Variants in SLC25A14 observed in about 807,000 individuals in gnomAD.
The protein encoded by SLC25A14 is brain mitochondrial carrier protein 1.
In SLC25A14, 8 loss-of-function variants were observed where a neutral mutation model predicts 28.1. That is an observed-to-expected ratio of 0.28 (90% CI 0.17 to 0.51). The LOEUF is 0.51. SLC25A14 is among the 20% of genes least tolerant of loss of function. The probability of loss-of-function intolerance (pLI) is 0.97; values close to 1 mark genes in which losing one functional copy is unlikely to be tolerated. For missense variants in SLC25A14, 135 were observed against 263.8 expected, an observed-to-expected ratio of 0.51 and a Z score of 3.38; for synonymous variants, 74 against 90.6, an observed-to-expected ratio of 0.82 and a Z score of 1.04.
chrX:130,350,533 A>C, intron 5 of SLC25A14, 113 bp from the exon 6 acceptor site: 1 of 335,088 alleles, frequency 3.0e-6, no homozygotes, highest in Non-Finnish European at 5.2e-6. Flanking sequence ...TTTTTGGTTC[A>C]TTTCTAAAGT....
Position 130,348,790 on chromosome X carries a change from CCCCT to C in SLC25A14, c.318-460_318-457del, listed in dbSNP as rs766319587. Among the ~76,000 whole-genome samples the C allele has an allele frequency of 3.1e-3, 202 of 66,022 alleles. 2 individuals are homozygous for C. The highest frequency in any genetic ancestry group is 8.2e-3 in the Admixed American group (47 of 5,766). 57.3% of individuals were successfully genotyped at this position (66,022 alleles called of 115,157 possible). ...TTGATTTGAGACTCTACCCCCCCCC[CCCCT>C]TTTTTTTTTTTAAAATGCAAGCATT... On this transcript the variant is annotated intron_variant, in intron 4 of 10. Coordinates refer to ENST00000545805, the MANE Select transcript of SLC25A14 (RefSeq NM_001282195.2).
At chrX:130,356,981 A>G (rs913098530) in intron 6 of SLC25A14, among the ~76,000 whole-genome samples, 43 of 111,571 alleles carry the variant, frequency 3.9e-4, no homozygotes, top group Admixed American at 9.5e-5. Context: ...ATCGAAATCC[A>G]TATCTGATCT....
At chrX:130,356,217 CTTTTTTTTTTTT>C (rs145822008) in intron 6 of SLC25A14, among the ~76,000 whole-genome samples, 4 of 52,055 alleles carry the variant, frequency 7.7e-5, no homozygotes, top group African/African-American at 2.5e-4. Flanking sequence ...CAAGGGCAAT[CTTTTTTTTTTTT>C]TTTTTTTTTT....
chrX:130,362,751 C>G (rs903796850), intron 7 of SLC25A14, among the ~76,000 whole-genome samples: 2 of 112,213 alleles, frequency 1.8e-5, no homozygotes, highest in South Asian at 3.7e-4. Flanking sequence ...TTTTAATGCT[C>G]TAGCAACCCT....
intron 6 of SLC25A14, among the ~76,000 whole-genome samples, chrX:130,355,885 C>CT (rs950352084): frequency 8.9e-6 from 1 of 111,779 alleles, no homozygotes; most frequent in Non-Finnish European, 1.9e-5. Flanking sequence ...TTGGATTTGT[C>CT]TTTTTGCTTC....
At chrX:130,352,592 C>CT (rs2033651072) in intron 6 of SLC25A14, among the ~76,000 whole-genome samples, 1 of 111,974 alleles carries the variant, frequency 8.9e-6, no homozygotes, top group Middle Eastern at 4.6e-3. Context: ...GTTGTTTTTA[C>CT]TTTTTAATAA....
chrX:130,363,484 C>A (rs2034031315), intron 7 of SLC25A14, among the ~76,000 whole-genome samples: 1 of 112,195 alleles, frequency 8.9e-6, no homozygotes, highest in African/African-American at 3.2e-5. Flanking sequence ...CACATTTTGG[C>A]TATTATGAAT....
intron 10 of SLC25A14, among the ~76,000 whole-genome samples, chrX:130,372,273 C>T (rs924074559): frequency 9.0e-6 from 1 of 110,576 alleles, no homozygotes; most frequent in East Asian, 2.8e-4. Flanking sequence ...AATTATATGT[C>T]GTCACTGATG....
intron 4 of SLC25A14, among the ~76,000 whole-genome samples, 156 bp from the exon 5 acceptor site, chrX:130,349,095 T>C (rs1042255818): frequency 1.2e-4 from 13 of 110,727 alleles, no homozygotes; most frequent in Non-Finnish European, 1.1e-4. Flanking sequence ...TGACCCAGAA[T>C]GTTCAGTTTC....
chrX:130,347,940 G>T (rs970767853), intron 4 of SLC25A14, among the ~76,000 whole-genome samples: 15 of 101,956 alleles, frequency 1.5e-4, no homozygotes, highest in Non-Finnish European at 2.6e-4. Context: ...AAAATGTTTT[G>T]TAGAATTCCC....
At chrX:130,371,294 C>T (rs1177555909) in intron 9 of SLC25A14, among the ~76,000 whole-genome samples, 2 of 111,253 alleles carry the variant, frequency 1.8e-5, no homozygotes, top group Non-Finnish European at 3.8e-5. Context: ...CATTGGGGGC[C>T]ATCTTGGAGG....
rs1023694836 is a variant in SLC25A14, at chrX:130,372,818, C to T, written c.937-91C>T. ...CAGATGCAGCTTGGAATAGCATAGA[C>T]TACCTTAATTTAAGAGAATGCGATG... On this transcript the variant is annotated intron_variant, in intron 10 of 10. Transcript: ENST00000545805. The T allele has an allele frequency of 1.2e-5, 8 of 640,551 alleles. No homozygotes were observed. The Admixed American group carries it at 1.7e-4, about 14-fold the overall frequency. 52.8% of individuals were successfully genotyped at this position (640,551 alleles called of 1,213,427 possible).
intron 2 of SLC25A14, among the ~76,000 whole-genome samples, chrX:130,340,842 A>AAC (rs1013273207): frequency 9.0e-6 from 1 of 110,877 alleles, no homozygotes; most frequent in East Asian, 2.8e-4. Flanking sequence ...TTCGTTGTTA[A>AAC]ACACACACAC....
At chrX:130,367,225 G>C (rs139408296) in intron 9 of SLC25A14, among the ~76,000 whole-genome samples, 1 of 112,261 alleles carries the variant, frequency 8.9e-6, no homozygotes, top group East Asian at 2.8e-4. Flanking sequence ...GCCTGAACTT[G>C]AGCATGATAA....
intron 6 of SLC25A14, among the ~76,000 whole-genome samples, chrX:130,351,978 A>G (rs1311509430): frequency 9.0e-6 from 1 of 111,235 alleles, no homozygotes; most frequent in Admixed American, 9.6e-5. Flanking sequence ...ACATGGGTAT[A>G]TTGTATGATG....
chrX:130,342,695 T>C (rs970565016), intron 2 of SLC25A14, among the ~76,000 whole-genome samples: 3 of 110,356 alleles, frequency 2.7e-5, no homozygotes, highest in Admixed American at 1.9e-4. Flanking sequence ...GAAGTCGTGA[T>C]TGTGGCAATG....
At chrX:130,354,894 G>A (rs1237845108) in intron 6 of SLC25A14, among the ~76,000 whole-genome samples, 2 of 111,878 alleles carry the variant, frequency 1.8e-5, no homozygotes, top group East Asian at 5.6e-4. Context: ...AGTTGAAGTT[G>A]GACCACTATC....
At chrX:130,359,352 C>CAAAAAAAAAAAAAAA (rs55826694) in intron 7 of SLC25A14, among the ~76,000 whole-genome samples, 48 of 25,843 alleles carry the variant, frequency 1.9e-3, no homozygotes, top group East Asian at 2.5e-3. Context: ...GACTCTGTCT[C>CAAAAAAAAAAAAAAA]AAAAAAAAAA....
At chrX:130,350,559 G>C (rs2033593756) in intron 5 of SLC25A14, 87 bp from the exon 6 acceptor site, 1 of 421,366 alleles carries the variant, frequency 2.4e-6, no homozygotes, top group African/African-American at 2.5e-5. Context: ...CTCTAACCAA[G>C]TTTCCCTTCC....
Sources: allele counts gnomAD v4.1 joint callset (sites outside exome capture counted in the v4.1 genomes callset), GRCh38; gene constraint gnomAD v4.1.1; transcripts MANE v1.5; gene names NCBI Gene and HGNC (gene_info 2026-07-23, HGNC 2026-07-21).